The following CENPP variants were observed in gnomAD, a reference collection of about 807,000 sequenced individuals.
The protein encoded by CENPP is centromere protein P.
Under a neutral mutation model 35.6 loss-of-function variants are expected in CENPP, and 24 were observed. The ratio of observed to expected loss-of-function variants is 0.67; its 90% CI spans 0.49 to 0.95. The LOEUF (loss-of-function observed/expected upper bound fraction) is 0.95. CENPP is among the 40% of genes least tolerant of loss of function. CENPP has a pLI of 0.00. For missense variants in CENPP, 332 were observed against 345.3 expected (o/e 0.96, Z 0.31); for synonymous variants, 120 against 125.5 (o/e 0.96, Z 0.29).
At chr9:92,572,993 A>G (rs1850183220) in intron 5 of CENPP, among the ~76,000 whole-genome samples, 2 of 152,024 alleles carry the variant, frequency 1.3e-5, no homozygotes, top group African/African-American at 2.4e-5. Flanking sequence ...CCATTCGTCT[A>G]ATCTTTTTTT....
intron 5 of CENPP, chr9:92,415,261 T>G: frequency 3.1e-6 from 5 of 1,613,854 alleles, no homozygotes; most frequent in Non-Finnish European, 4.2e-6. Context: ...TTCATCATCA[T>G]CATCTGGAAA....
intron 5 of CENPP, among the ~76,000 whole-genome samples, chr9:92,433,466 T>C (rs1379839377): frequency 1.3e-5 from 2 of 152,148 alleles, no homozygotes; most frequent in Non-Finnish European, 2.9e-5. Context: ...GCCTGATACC[T>C]TTTTTTCTTC....
chr9:92,432,079 CTT>C (rs1423864111), intron 5 of CENPP, among the ~76,000 whole-genome samples: 2 of 152,110 alleles, frequency 1.3e-5, no homozygotes, highest in African/African-American at 2.4e-5. Context: ...AATCCCAACA[CTT>C]TGGGAAGCTG....
At chr9:92,433,837 C>G (rs1588127137) in intron 5 of CENPP, among the ~76,000 whole-genome samples, 5 of 152,130 alleles carry the variant, frequency 3.3e-5, no homozygotes, top group Admixed American at 3.3e-4. Context: ...GAGGCTAAGG[C>G]AGGAGAATCG....
intron 4 of CENPP, among the ~76,000 whole-genome samples, chr9:92,367,917 A>T (rs113554480): frequency 0.011 from 1,696 of 152,322 alleles, 13 homozygotes; most frequent in Non-Finnish European, 0.018. Context: ...CACCTGGCCT[A>T]TAGTAACATT....
At chr9:92,408,348 G>C (rs965612374) in intron 5 of CENPP, among the ~76,000 whole-genome samples, 3 of 152,134 alleles carry the variant, frequency 2.0e-5, no homozygotes, top group African/African-American at 7.2e-5. Context: ...ACCACGCCCA[G>C]CTAATTTTTA....
At position 92,551,949 on chromosome 9, in the gene CENPP, A is replaced by ATG. The variant is rs1849604536; in HGVS notation, c.565-59364_565-59363insGT. Among the ~76,000 whole-genome samples the ATG allele has an allele frequency of 2.4e-5, 3 of 122,760 alleles. 1 individual carries two copies. Among genetic ancestry groups the ATG allele is most frequent in the Non-Finnish European group, 4.9e-5 (3 of 61,180 alleles). 80.5% of individuals were successfully genotyped at this position (122,760 alleles called of 152,430 possible). On this transcript the variant is annotated intron_variant, in intron 5 of 7. Coordinates refer to ENST00000375587, the MANE Select transcript of CENPP (RefSeq NM_001012267.3). ...TGTATATATATATATATATATATAT[A>ATG]TATGATATATATATGTGTGATATAT...
chr9:92,496,610 A>T, intron 5 of CENPP: 2 of 1,144,580 alleles, frequency 1.7e-6, no homozygotes, highest in Non-Finnish European at 2.3e-6. Flanking sequence ...GACCAGAATA[A>T]ATTCCAACTA....
intron 5 of CENPP, among the ~76,000 whole-genome samples, chr9:92,419,979 A>G (rs932334005): frequency 5.9e-5 from 9 of 152,176 alleles, no homozygotes; most frequent in Admixed American, 1.3e-4. Context: ...TTTTCTTGTC[A>G]GAAATTATAA....
At chr9:92,338,319 A>C (rs745950458) in intron 3 of CENPP, among the ~76,000 whole-genome samples, 8 of 151,994 alleles carry the variant, frequency 5.3e-5, no homozygotes, top group Admixed American at 2.6e-4. Context: ...CACACACAAA[A>C]AAAAAACCAC....
At chr9:92,449,810 T>C (rs72752499) in intron 5 of CENPP, among the ~76,000 whole-genome samples, 4,707 of 152,266 alleles carry the variant, frequency 0.031, 113 homozygotes, top group South Asian at 0.083. Flanking sequence ...CATCATTGGA[T>C]GCTTCCTGAG....
chr9:92,509,855 A>T (rs1213059349), intron 5 of CENPP: 1 of 1,566,112 alleles, frequency 6.4e-7, no homozygotes, highest in African/African-American at 1.4e-5. Flanking sequence ...CTATATAGGA[A>T]AGATTATAAG....
intron 5 of CENPP, among the ~76,000 whole-genome samples, chr9:92,453,222 C>A (rs2131025992): frequency 6.6e-6 from 1 of 151,988 alleles, no homozygotes; most frequent in East Asian, 1.9e-4. Flanking sequence ...TTCCTGCTTT[C>A]TCTTGTGGGC....
At chr9:92,481,566 T>C (rs570861796) in intron 5 of CENPP, among the ~76,000 whole-genome samples, 2 of 152,340 alleles carry the variant, frequency 1.3e-5, no homozygotes, top group Admixed American at 6.5e-5. Context: ...GCTTAAATTT[T>C]TTAATCTAAA....
intron 4 of CENPP, among the ~76,000 whole-genome samples, chr9:92,357,201 T>G (rs1266334437): frequency 6.6e-6 from 1 of 151,478 alleles, no homozygotes; most frequent in African/African-American, 2.4e-5. Context: ...TCTTTTTTTT[T>G]GTTTTTTTAA....
At chr9:92,451,812 A>G (rs1844718425) in intron 5 of CENPP, among the ~76,000 whole-genome samples, 1 of 151,424 alleles carries the variant, frequency 6.6e-6, no homozygotes, top group African/African-American at 2.4e-5. Context: ...GAGGTCCTTC[A>G]CATCCCTTGT....
intron 4 of CENPP, among the ~76,000 whole-genome samples, chr9:92,372,596 TC>T (rs1431410103): frequency 3.3e-5 from 5 of 152,342 alleles, no homozygotes; most frequent in Admixed American, 6.5e-5. Flanking sequence ...GTTTAGGACT[TC>T]CTTGAGCATT....
rs1487123805 is a variant in CENPP, at chr9:92,476,867, T to A, written c.564+97008T>A. On this transcript the variant is annotated intron_variant, in intron 5 of 7. Transcript: ENST00000375587. This position sits in a 1 kb window ranked among gnomAD's most constrained non-coding sequence, Gnocchi z 4.1. ...GTTCTGTGCTGCCTTCTGCTCCAGC[T>A]CATGTGGGGGGACTCAGTTGTTTTA... is the stretch of plus-strand genomic sequence containing the variant. Among the ~76,000 whole-genome samples, 2 of 152,150 alleles carry A rather than the reference T, an allele frequency of 1.3e-5. No individual in the cohort carries two copies. Among genetic ancestry groups the A allele is most frequent in the Non-Finnish European group, 2.9e-5 (2 of 68,020 alleles).
At chr9:92,406,385 A>C (rs759414216) in intron 5 of CENPP, among the ~76,000 whole-genome samples, 3 of 152,184 alleles carry the variant, frequency 2.0e-5, no homozygotes, top group Non-Finnish European at 4.4e-5. Flanking sequence ...GACCATGTAG[A>C]GATTTTTAAG....
Sources: allele counts gnomAD v4.1 joint callset (sites outside exome capture counted in the v4.1 genomes callset), GRCh38; gene constraint gnomAD v4.1.1; non-coding constraint Gnocchi (gnomAD v3.1); transcripts MANE v1.5; gene names NCBI Gene and HGNC (gene_info 2026-07-23, HGNC 2026-07-21).